Variants in SLC35A3 observed in about 807,000 individuals in gnomAD.
SLC35A3 encodes the protein solute carrier family 35 member A3, also known as UDP-N-acetylglucosamine transporter.
SLC35A3 carries 26 observed loss-of-function variants against 39.0 expected under a neutral mutation model. The ratio of observed to expected loss-of-function variants is 0.67; its 90% CI spans 0.49 to 0.92. The LOEUF is 0.92. SLC35A3 is among the 40% of genes least tolerant of loss of function. SLC35A3 has a pLI of 0.00. For missense variants in SLC35A3, 299 were observed against 371.6 expected, an observed-to-expected ratio of 0.80 and a Z score of 1.61; for synonymous variants, 135 against 133.1, an observed-to-expected ratio of 1.01 and a Z score of -0.10.
chr1:99,992,321 T>A (rs1274438029), intron 1 of SLC35A3, among the ~76,000 whole-genome samples: 1 of 152,202 alleles, frequency 6.6e-6, no homozygotes, highest in African/African-American at 2.4e-5. Flanking sequence ...TGAAATGTCC[T>A]TCTTTGATTC....
At chr1:99,996,848 G>C (rs1658427858) in intron 2 of SLC35A3, among the ~76,000 whole-genome samples, 1 of 151,964 alleles carries the variant, frequency 6.6e-6, no homozygotes, top group South Asian at 2.1e-4. Context: ...GTGAGTACCA[G>C]GTAGCAATTT....
At chr1:99,977,953 G>C (rs1208275752) in intron 1 of SLC35A3, among the ~76,000 whole-genome samples, 2 of 152,144 alleles carry the variant, frequency 1.3e-5, no homozygotes, top group African/African-American at 4.8e-5. Context: ...TTTACTTTCT[G>C]CATATAGATA....
chr1:99,991,546 C>T (rs1176915761), intron 1 of SLC35A3, among the ~76,000 whole-genome samples: 1 of 152,096 alleles, frequency 6.6e-6, no homozygotes, highest in African/African-American at 2.4e-5. Context: ...TGGTCTAGGT[C>T]CTTTGTATTT....
chr1:100,005,349 G>A (rs1364365548), intron 3 of SLC35A3, among the ~76,000 whole-genome samples: 1 of 152,110 alleles, frequency 6.6e-6, no homozygotes, highest in Non-Finnish European at 1.5e-5. Context: ...TATTTTGTGT[G>A]GAGAAATATG....
intron 7 of SLC35A3, among the ~76,000 whole-genome samples, chr1:100,020,014 A>G (rs1371314452): frequency 6.6e-6 from 1 of 152,206 alleles, no homozygotes; most frequent in African/African-American, 2.4e-5. Flanking sequence ...GAGTGCATGA[A>G]TGAGACACAA....
intron 1 of SLC35A3, among the ~76,000 whole-genome samples, chr1:99,992,244 T>A (rs554839427): frequency 6.6e-6 from 1 of 152,204 alleles, no homozygotes; most frequent in East Asian, 1.9e-4. Context: ...TTTGAAGGTA[T>A]GTTATTAGGC....
chr1:100,027,362 G>A lies in SLC35A3; in HGVS notation c.*4886G>A. On this transcript the variant is annotated 3_prime_UTR_variant, in exon 8 of 8. Transcript: ENST00000533028. ...AGCTACTCAGGAGGCTGAGGCAGAA[G>A]GATTGCTTGAGCCCAGCAATTTGAT... 5.1e-6 allele frequency: 2 copies of A among 390,422 alleles called. No homozygotes were observed. Among genetic ancestry groups the A allele is most frequent in the Middle Eastern group, 6.5e-4 (1 of 1,548 alleles). The allele number at this position is 390,422 out of a possible 1,614,324, so 24.2% of individuals were successfully genotyped here. A position where few individuals can be genotyped will look rare whatever the true frequency, so the allele number is the denominator to read the frequency against.
At position 99,999,264 on chromosome 1, in the gene SLC35A3, G is replaced by A. The variant is rs1658606601; in HGVS notation, c.191G>A (p.Cys64Tyr). The change falls in exon 3 of 8, where the codon TGT becomes TAT. Residue 64 changes from cysteine to tyrosine, a missense_variant. Physicochemically the swap from Cys to Tyr is radical, Grantham distance 194. Coordinates refer to ENST00000533028, the MANE Select transcript of SLC35A3 (RefSeq NM_012243.3). ...CILLVYKDSK[C>Y]SLRALNRVLH... ...TTTTTCTCATATTATTTTCTAGAATGTAGTCTAAGAGCACTGAATCGAGTA... is the reference window on the plus strand; with the variant it reads ...TTTTTCTCATATTATTTTCTAGAATATAGTCTAAGAGCACTGAATCGAGTA... 6 of 1,513,384 alleles carry A rather than the reference G, an allele frequency of 4.0e-6. No homozygotes were observed. Among genetic ancestry groups the A allele is most frequent in the Non-Finnish European group, 5.3e-6 (6 of 1,131,372 alleles). 93.7% of individuals were successfully genotyped at this position (1,513,384 alleles called of 1,614,324 possible).
chr1:100,003,357 C>T (rs1240982935), intron 3 of SLC35A3, among the ~76,000 whole-genome samples: 1 of 140,898 alleles, frequency 7.1e-6, no homozygotes. Flanking sequence ...CGGAGGTTGC[C>T]GTGAGCTGAG....
At chr1:100,006,527 G>A in intron 3 of SLC35A3, among the ~76,000 whole-genome samples, 1 of 152,262 alleles carries the variant, frequency 6.6e-6, no homozygotes, top group Middle Eastern at 3.4e-3. Flanking sequence ...ATGGGTGGGT[G>A]CCAGCAGTGG....
intron 1 of SLC35A3, among the ~76,000 whole-genome samples, chr1:99,985,998 C>T (rs1337594475): frequency 6.6e-6 from 1 of 152,038 alleles, no homozygotes; most frequent in Non-Finnish European, 1.5e-5. Flanking sequence ...TCTAAGTATA[C>T]AATCATATTA....
intron 1 of SLC35A3, among the ~76,000 whole-genome samples, chr1:99,988,636 T>G (rs1383645632): frequency 7.9e-6 from 1 of 127,166 alleles, no homozygotes; most frequent in Non-Finnish European, 1.7e-5. Context: ...TCCCCTCCTC[T>G]TCCCTCCCCT....
chr1:100,014,622 G>A (rs1440343837), intron 5 of SLC35A3, among the ~76,000 whole-genome samples: 1 of 152,180 alleles, frequency 6.6e-6, no homozygotes, highest in African/African-American at 2.4e-5. Flanking sequence ...CTAGCAAGAG[G>A]AAGATGGAAG....
rs538679389 is a variant in SLC35A3, at chr1:100,015,344, A to G, written c.677A>G (p.Tyr226Cys). Residue 226 changes from tyrosine to cysteine, a missense_variant, in exon 6 of 8, where the codon TAT becomes TGT. By Grantham distance (194) the Tyr-to-Cys change is radical (BLOSUM62 -2). Coordinates refer to ENST00000533028, the MANE Select transcript of SLC35A3 (RefSeq NM_012243.3). ...TTTGGATTAATGGGTGTATACATTT[A>G]TGATGGAGAACTGGTATCAAAGAAT... ...SIFGLMGVYIYDGELVSKNGF... is the reference protein window; with the variant it reads ...SIFGLMGVYICDGELVSKNGF... The G allele has an allele frequency of 6.2e-7, 1 of 1,613,048 alleles. No individual in the cohort carries two copies. Among genetic ancestry groups the G allele is most frequent in the African/African-American group, 1.3e-5 (1 of 75,008 alleles).
intron 3 of SLC35A3, among the ~76,000 whole-genome samples, chr1:100,002,325 T>C (rs1251547941): frequency 6.6e-6 from 1 of 152,180 alleles, no homozygotes; most frequent in African/African-American, 2.4e-5. Flanking sequence ...TTGTTCAATC[T>C]TGGTAGGTTG....
At position 100,012,941 on chromosome 1, in the gene SLC35A3, C is replaced by G. The variant is rs148696630; in HGVS notation, c.634+1408C>G. On this transcript the variant is annotated intron_variant, in intron 5 of 7. Coordinates refer to ENST00000533028, the MANE Select transcript of SLC35A3 (RefSeq NM_012243.3). ...GTGTGAGCTTGGGCAAGTTATGTAA[C>G]CTCTCTGTGCTTCAGTTTCTTCATC... Among the ~76,000 whole-genome samples the G allele has an allele frequency of 6.4e-4, 97 of 152,302 alleles. 1 individual carries two copies. Among genetic ancestry groups the G allele is most frequent in the African/African-American group, 2.2e-3 (93 of 41,584 alleles).
intron 6 of SLC35A3, among the ~76,000 whole-genome samples, chr1:100,017,278 G>A (rs1373933105): frequency 6.6e-6 from 1 of 152,128 alleles, no homozygotes; most frequent in Non-Finnish European, 1.5e-5. Context: ...CCAAATTAAG[G>A]GGCTGTTGAA....
intron 5 of SLC35A3, among the ~76,000 whole-genome samples, chr1:100,014,017 C>T: frequency 6.6e-6 from 1 of 152,092 alleles, no homozygotes; most frequent in South Asian, 2.1e-4. Flanking sequence ...TTCTGGGAAT[C>T]TCTTATTCCA....
rs1215445618 is a variant in SLC35A3 at position 100,026,279 on chromosome 1, TA to T, written c.*3804del. 5 of 152,210 alleles carry T rather than the reference TA, an allele frequency of 3.3e-5. No individual in the cohort carries two copies. The highest frequency in any genetic ancestry group is 3.3e-4 in the Admixed American group (5 of 15,284). 9.4% of individuals were successfully genotyped at this position (152,210 alleles called of 1,614,324 possible). A position where few individuals can be genotyped will look rare whatever the true frequency, so the allele number is the denominator to read the frequency against. On this transcript the variant is annotated 3_prime_UTR_variant, in exon 8 of 8. Transcript: ENST00000533028. ...ACACATTCACATTATAATATTTAATTATCATGGGTGTATGCTTTACATAAAA... is the reference window on the plus strand; with the variant it reads ...ACACATTCACATTATAATATTTAATTTCATGGGTGTATGCTTTACATAAAA...
Sources: gnomAD v4.1 joint callset for allele counts (sites outside exome capture counted in the v4.1 genomes callset) on GRCh38, gnomAD v4.1.1 for gene constraint, MANE v1.5 for transcripts, NCBI Gene and HGNC (gene_info 2026-07-23, HGNC 2026-07-21) for gene names.